GABRB1: variants seen among roughly 807,000 people sequenced by gnomAD.
GABRB1 encodes gamma-aminobutyric acid type A receptor subunit beta1, also known as gamma-aminobutyric acid receptor subunit beta-1.
Under a neutral mutation model 51.6 loss-of-function variants are expected in GABRB1, and 17 were observed. The observed-to-expected ratio is 0.33, with a 90% CI of 0.23 to 0.49. GABRB1 has a LOEUF of 0.49. Ranked by LOEUF, GABRB1 falls within the 20% of genes least tolerant of loss-of-function variation. The pLI, the probability that GABRB1 is intolerant of heterozygous loss-of-function variation, is 0.99. For synonymous variants in GABRB1, 247 were observed against 218.9 expected, an observed-to-expected ratio of 1.13 and a Z score of -1.14; for missense variants, 410 against 600.6, an observed-to-expected ratio of 0.68 and a Z score of 3.32.
chr4:47,097,124 G>A (rs1714480093), intron 3 of GABRB1, among the ~76,000 whole-genome samples: 1 of 152,134 alleles, frequency 6.6e-6, no homozygotes, highest in African/African-American at 2.4e-5. Context: ...CTACTCAAAA[G>A]CAAGAAGCTA....
intron 3 of GABRB1, among the ~76,000 whole-genome samples, chr4:47,124,846 G>A (rs1176556294): frequency 1.3e-5 from 2 of 151,776 alleles, no homozygotes; most frequent in Non-Finnish European, 2.9e-5. Flanking sequence ...AGGAAGGAAA[G>A]ACCACAGGAT....
At chr4:47,057,293 G>T (rs1726655051) in intron 3 of GABRB1, among the ~76,000 whole-genome samples, 1 of 152,048 alleles carries the variant, frequency 6.6e-6, no homozygotes, top group Non-Finnish European at 1.5e-5. Flanking sequence ...AATAATCTTG[G>T]CACACAAAGT....
At chr4:47,016,520 C>A (rs886395421) in intron 1 of GABRB1, among the ~76,000 whole-genome samples, 1 of 152,018 alleles carries the variant, frequency 6.6e-6, no homozygotes, top group Non-Finnish European at 1.5e-5. Context: ...CAGAAATGTT[C>A]TTTACCGTCC....
At chr4:47,318,971 A>G (rs1189320224) in intron 4 of GABRB1, among the ~76,000 whole-genome samples, 8 of 152,140 alleles carry the variant, frequency 5.3e-5, no homozygotes, top group Non-Finnish European at 8.8e-5. Context: ...GTGTCTTCTT[A>G]GGGAGAAAAC....
At chr4:47,182,221 G>A (rs896913184) in intron 4 of GABRB1, among the ~76,000 whole-genome samples, 1 of 151,870 alleles carries the variant, frequency 6.6e-6, no homozygotes, top group Non-Finnish European at 1.5e-5. Context: ...AAAAGCATGA[G>A]AGAAATTTCT....
At position 47,320,110 on chromosome 4, in the gene GABRB1, TCTCTC is replaced by T. The variant is rs1725023258; in HGVS notation, c.462-11_462-7del. 1.3e-6 allele frequency: 2 copies of T among 1,510,270 alleles called. No individual in the cohort carries two copies. Among genetic ancestry groups the T allele is most frequent in the Middle Eastern group, 1.7e-4 (1 of 5,908 alleles). 93.6% of individuals were successfully genotyped at this position (1,510,270 alleles called of 1,614,324 possible). On this transcript the variant is annotated splice_polypyrimidine_tract_variant and intron_variant, in intron 4 of 8. Coordinates refer to ENST00000295454, the MANE Select transcript of GABRB1 (RefSeq NM_000812.4). ...CACTTTTGTAATGTTTTCTTTTTTC[TCTCTC>T]CTCTCTATCAGAATCACAACCACAG...
intron 3 of GABRB1, among the ~76,000 whole-genome samples, chr4:47,123,710 G>GATATATT (rs1324562425): frequency 3.9e-4 from 4 of 10,346 alleles, no homozygotes; most frequent in Admixed American, 5.0e-3. Context: ...TATATAATAT[G>GATATATT]ATATATGATA....
Position 47,183,893 on chromosome 4 carries a change from T to C in GABRB1, c.461+22424T>C, listed in dbSNP as rs1719059298. Among the ~76,000 whole-genome samples, 3 of 151,996 alleles carry C rather than the reference T, an allele frequency of 2.0e-5. No homozygotes were observed. The South Asian group carries it at 6.2e-4, about 32-fold the overall frequency. On this transcript the variant is annotated intron_variant, in intron 4 of 8. Transcript: ENST00000295454. ...TTCATGTCAAAAACATGCTGGAAAG[T>C]CCATACTTGGACTACTTGCTTTATT...
At chr4:47,134,938 G>A (rs1385570267) in intron 3 of GABRB1, among the ~76,000 whole-genome samples, 2 of 152,110 alleles carry the variant, frequency 1.3e-5, no homozygotes, top group Admixed American at 6.6e-5. Context: ...GCAACATAGT[G>A]AGACTTCATC....
At chr4:47,288,715 T>G (rs1188896492) in intron 4 of GABRB1, among the ~76,000 whole-genome samples, 5 of 152,206 alleles carry the variant, frequency 3.3e-5, no homozygotes, top group Non-Finnish European at 7.3e-5. Context: ...ATCCTAGTCT[T>G]TCAAGGCAAT....
chr4:47,180,811 C>G (rs897970790), intron 4 of GABRB1, among the ~76,000 whole-genome samples: 1 of 151,970 alleles, frequency 6.6e-6, no homozygotes, highest in African/African-American at 2.4e-5. Flanking sequence ...ATGAATGAAG[C>G]TTTGACAGGT....
intron 5 of GABRB1, among the ~76,000 whole-genome samples, chr4:47,385,595 G>T (rs1363802499): frequency 6.6e-6 from 1 of 152,124 alleles, no homozygotes. Flanking sequence ...GTTTGGGTTT[G>T]CCTCACACCA....
intron 3 of GABRB1, among the ~76,000 whole-genome samples, chr4:47,038,181 G>T (rs1725679876): frequency 6.6e-6 from 1 of 152,168 alleles, no homozygotes; most frequent in Non-Finnish European, 1.5e-5. Context: ...TGGTAGGTGA[G>T]TCAATCACAA....
intron 1 of GABRB1, among the ~76,000 whole-genome samples, chr4:46,997,019 G>A (rs763709123): frequency 1.7e-4 from 26 of 152,202 alleles, no homozygotes; most frequent in Middle Eastern, 3.4e-3. Flanking sequence ...ACAATTTTAT[G>A]TTAATGTATT....
intron 1 of GABRB1, among the ~76,000 whole-genome samples, chr4:47,009,968 A>G (rs1183177489): frequency 6.6e-6 from 1 of 152,242 alleles, no homozygotes; most frequent in African/African-American, 2.4e-5. Flanking sequence ...TCTACTAAAC[A>G]GTTCACAAAA....
rs201391860 is a variant in GABRB1 at position 47,409,402 on chromosome 4, T to TG, written c.1080+2479dup. 7.2e-5 allele frequency among the ~76,000 whole-genome samples: 11 copies of TG among 152,174 alleles called. No homozygotes were observed. The East Asian group carries it at 2.1e-3, about 29-fold the overall frequency. On this transcript the variant is annotated intron_variant, in intron 8 of 8. Coordinates refer to ENST00000295454, the MANE Select transcript of GABRB1 (RefSeq NM_000812.4). ...ATGGGGAGCTGGAAAGAGGCTGGAG[T>TG]GGGAAGATAATCTTCCCCAGGAGTT...
At chr4:47,254,585 G>A (rs1722126504) in intron 4 of GABRB1, among the ~76,000 whole-genome samples, 2 of 151,536 alleles carry the variant, frequency 1.3e-5, no homozygotes, top group Admixed American at 6.6e-5. Context: ...TGTTAGCCAG[G>A]ATGGTCTCGA....
intron 3 of GABRB1, among the ~76,000 whole-genome samples, chr4:47,087,168 C>T (rs2109578813): frequency 6.6e-6 from 1 of 152,214 alleles, no homozygotes; most frequent in South Asian, 2.1e-4. Flanking sequence ...ATAATTAAAT[C>T]AGGCTGTTAC....
chr4:47,130,541 A>AT (rs1291932750), intron 3 of GABRB1, among the ~76,000 whole-genome samples: 1 of 151,872 alleles, frequency 6.6e-6, no homozygotes, highest in East Asian at 1.9e-4. Flanking sequence ...AATATCCCTT[A>AT]TTTTTGAGAA....
Sources: gnomAD v4.1 joint callset for allele counts (sites outside exome capture counted in the v4.1 genomes callset) on GRCh38, gnomAD v4.1.1 for gene constraint, MANE v1.5 for transcripts, NCBI Gene and HGNC (gene_info 2026-07-23, HGNC 2026-07-21) for gene names.